The following ST6GALNAC3 variants were observed in gnomAD, a reference collection of about 807,000 sequenced individuals.
ST6GALNAC3 encodes the protein alpha-N-acetylgalactosaminide alpha-2,6-sialyltransferase 3.
Under a neutral mutation model 32.7 loss-of-function variants are expected in ST6GALNAC3, and 25 were observed. The observed-to-expected ratio is 0.76, with a 90% CI of 0.56 to 1.07. The LOEUF (loss-of-function observed/expected upper bound fraction) is 1.07, where lower values mean the gene tolerates loss of function less well. ST6GALNAC3 is among the 50% of genes least tolerant of loss of function. The pLI is 0.00. For synonymous variants in ST6GALNAC3, 129 were observed against 133.1 expected, an observed-to-expected ratio of 0.97 and a Z score of 0.21; for missense variants, 355 against 382.4, an observed-to-expected ratio of 0.93 and a Z score of 0.60.
chr1:76,119,988 C>G (rs1452740081), intron 1 of ST6GALNAC3, among the ~76,000 whole-genome samples: 2 of 152,238 alleles, frequency 1.3e-5, no homozygotes, highest in African/African-American at 2.4e-5. Context: ...TCCACTCTAC[C>G]CGGAGTGCCC....
intron 1 of ST6GALNAC3, among the ~76,000 whole-genome samples, chr1:76,301,904 T>C (rs1234167251): frequency 1.3e-5 from 2 of 151,810 alleles, no homozygotes; most frequent in Non-Finnish European, 2.9e-5. Context: ...TTTGCATTGG[T>C]AAATTCTGAT....
chr1:76,588,731 G>T (rs1647001253), intron 3 of ST6GALNAC3, among the ~76,000 whole-genome samples: 1 of 152,150 alleles, frequency 6.6e-6, no homozygotes, highest in African/African-American at 2.4e-5. Flanking sequence ...CCTTGGGGAG[G>T]CATTTCCAGC....
At chr1:76,346,908 C>A (rs182349635) in intron 2 of ST6GALNAC3, among the ~76,000 whole-genome samples, 1 of 151,980 alleles carries the variant, frequency 6.6e-6, no homozygotes, top group Non-Finnish European at 1.5e-5. Flanking sequence ...ATTATTATGA[C>A]GTTTACTTAG....
chr1:76,356,265 G>T (rs1403482699), intron 2 of ST6GALNAC3, among the ~76,000 whole-genome samples: 1 of 152,026 alleles, frequency 6.6e-6, no homozygotes, highest in African/African-American at 2.4e-5. Flanking sequence ...CTGGACTCAT[G>T]ATGTTGCCTG....
At chr1:76,212,639 A>T (rs979140071) in intron 1 of ST6GALNAC3, among the ~76,000 whole-genome samples, 1 of 152,118 alleles carries the variant, frequency 6.6e-6, no homozygotes, top group African/African-American at 2.4e-5. Context: ...ACCACACAAT[A>T]TTGAAGCAAT....
intron 1 of ST6GALNAC3, among the ~76,000 whole-genome samples, chr1:76,221,859 C>T (rs1436096164): frequency 6.6e-6 from 1 of 152,034 alleles, no homozygotes; most frequent in African/African-American, 2.4e-5. Flanking sequence ...AAAGTCATGA[C>T]TCAAAAAATA....
chr1:76,490,924 T>A (rs968384443), intron 3 of ST6GALNAC3, among the ~76,000 whole-genome samples: 3 of 151,844 alleles, frequency 2.0e-5, no homozygotes, highest in Non-Finnish European at 4.4e-5. Context: ...AATGGCGTGA[T>A]CTCAGCTCAC....
chr1:76,303,771 T>C (rs1463192511), intron 1 of ST6GALNAC3, among the ~76,000 whole-genome samples: 1 of 152,054 alleles, frequency 6.6e-6, no homozygotes, highest in African/African-American at 2.4e-5. Flanking sequence ...ATATAAAAAA[T>C]GTTGCTCCAA....
At chr1:76,405,323 A>G (rs937786778) in intron 2 of ST6GALNAC3, among the ~76,000 whole-genome samples, 1 of 152,060 alleles carries the variant, frequency 6.6e-6, no homozygotes, top group Non-Finnish European at 1.5e-5. Flanking sequence ...TGCAAGTTTT[A>G]TTATTTCACA....
intron 2 of ST6GALNAC3, among the ~76,000 whole-genome samples, chr1:76,381,183 A>AAG (rs1651683256): frequency 7.5e-6 from 1 of 133,312 alleles, no homozygotes; most frequent in African/African-American, 2.6e-5. Flanking sequence ...AAAAAAAAAA[A>AAG]AAAGAAAAAA....
intron 2 of ST6GALNAC3, among the ~76,000 whole-genome samples, chr1:76,318,908 T>C (rs1191509768): frequency 6.6e-6 from 1 of 152,134 alleles, no homozygotes; most frequent in Non-Finnish European, 1.5e-5. Flanking sequence ...TGGCAGATTT[T>C]TGGGAAAAAG....
rs115970237 is a variant in ST6GALNAC3 at position 76,207,272 on chromosome 1, T to G, written c.19-106533T>G. ...TGGCAGTCTGGCTGCAGAGCCTGTG[T>G]TTCTCACTGTGATGCTAGGCTCGCC... On this transcript the variant is annotated intron_variant, in intron 1 of 4. Transcript: ENST00000328299. Among the ~76,000 whole-genome samples the G allele has an allele frequency of 1.5e-3, 226 of 152,332 alleles. 3 individuals carry two copies. The highest frequency in any genetic ancestry group is 5.3e-3 in the African/African-American group (219 of 41,580).
chr1:76,623,250 T>G (rs893258273), intron 3 of ST6GALNAC3, among the ~76,000 whole-genome samples: 1 of 151,816 alleles, frequency 6.6e-6, no homozygotes, highest in Non-Finnish European at 1.5e-5. Context: ...GCCAGTAAAT[T>G]TAAGTAGTTT....
chr1:76,214,159 T>C (rs1250073543), intron 1 of ST6GALNAC3, among the ~76,000 whole-genome samples: 1 of 152,194 alleles, frequency 6.6e-6, no homozygotes, highest in East Asian at 1.9e-4. Flanking sequence ...TATGTGACTA[T>C]TTAAATTTAA....
intron 3 of ST6GALNAC3, among the ~76,000 whole-genome samples, chr1:76,433,313 AAG>A (rs1454287111): frequency 6.6e-6 from 1 of 152,094 alleles, no homozygotes; most frequent in African/African-American, 2.4e-5. Flanking sequence ...TTAAGAAAAA[AAG>A]AGATTTTTTT....
intron 1 of ST6GALNAC3, among the ~76,000 whole-genome samples, chr1:76,144,949 T>C (rs1650584228): frequency 6.6e-6 from 1 of 152,204 alleles, no homozygotes; most frequent in African/African-American, 2.4e-5. Flanking sequence ...CTTCTGAGTT[T>C]CTCATTCCTT....
At chr1:76,119,706 A>G (rs1298087388) in intron 1 of ST6GALNAC3, among the ~76,000 whole-genome samples, 2 of 152,256 alleles carry the variant, frequency 1.3e-5, no homozygotes, top group African/African-American at 2.4e-5. Context: ...AATAGTAACT[A>G]TAACAATTAA....
At chr1:76,459,302 C>T (rs557468109) in intron 3 of ST6GALNAC3, among the ~76,000 whole-genome samples, 9 of 152,260 alleles carry the variant, frequency 5.9e-5, no homozygotes, top group East Asian at 1.9e-4. Flanking sequence ...TGGTGTCTCA[C>T]GCCTGTAATC....
chr1:76,389,873 T>G (rs533762115), intron 2 of ST6GALNAC3, among the ~76,000 whole-genome samples: 21 of 152,350 alleles, frequency 1.4e-4, no homozygotes, highest in Admixed American at 3.3e-4. Context: ...TATATTTGTT[T>G]TCTGCATGAT....
Sources: allele counts gnomAD v4.1 joint callset (sites outside exome capture counted in the v4.1 genomes callset), GRCh38; gene constraint gnomAD v4.1.1; transcripts MANE v1.5; gene names NCBI Gene and HGNC (gene_info 2026-07-23, HGNC 2026-07-21).